The following TBC1D8 variants were observed in gnomAD, a reference collection of about 807,000 sequenced individuals.
TBC1D8 encodes BUB2-like protein 1.
A neutral mutation model predicts 118.8 loss-of-function variants in TBC1D8; 65 were observed. The ratio of observed to expected loss-of-function variants is 0.55; its 90% CI spans 0.45 to 0.67. TBC1D8 has a LOEUF of 0.67. Among genes scored for constraint, TBC1D8 ranks in the 30% least tolerant of loss-of-function variants. TBC1D8 has a pLI of 0.00. For synonymous variants in TBC1D8, 566 were observed against 595.8 expected, an observed-to-expected ratio of 0.95 and a Z score of 0.73; for missense variants, 1,376 against 1,471.2, an observed-to-expected ratio of 0.94 and a Z score of 1.06.
chr2:101,021,845 C>T, intron 16 of TBC1D8, 99 bp from the exon 17 acceptor site: 1 of 750,512 alleles, frequency 1.3e-6, no homozygotes, highest in Admixed American at 2.2e-5. Flanking sequence ...AAGGTCAATA[C>T]CTGCCACCCC....
intron 1 of TBC1D8, among the ~76,000 whole-genome samples, chr2:101,092,631 G>A (rs1676116226): frequency 2.0e-5 from 3 of 151,964 alleles, no homozygotes; most frequent in Admixed American, 2.0e-4. Context: ...TTTGGCCAGT[G>A]GGAACCCCTT....
At chr2:101,020,141 A>G (rs888148109) in intron 17 of TBC1D8, among the ~76,000 whole-genome samples, 11 of 145,550 alleles carry the variant, frequency 7.6e-5, no homozygotes, top group Non-Finnish European at 1.3e-4. Context: ...TCAAAAGCCA[A>G]TTATAAATTT....
chr2:101,099,318 C>T (rs1161489447), intron 1 of TBC1D8, among the ~76,000 whole-genome samples: 4 of 152,058 alleles, frequency 2.6e-5, no homozygotes, highest in African/African-American at 4.8e-5. Context: ...AGGAAGAAGT[C>T]GAATCCCTGA....
chr2:101,058,192 C>A (rs1682549926), intron 3 of TBC1D8, among the ~76,000 whole-genome samples: 1 of 152,170 alleles, frequency 6.6e-6, no homozygotes, highest in Non-Finnish European at 1.5e-5. Context: ...CACCCCCTAA[C>A]CCCACAGGCC....
chr2:101,077,180 C>T (rs931878835), intron 2 of TBC1D8, among the ~76,000 whole-genome samples: 2 of 151,018 alleles, frequency 1.3e-5, no homozygotes, highest in African/African-American at 2.4e-5. Context: ...CCCACCACCA[C>T]GCCCAGCTAA....
intron 17 of TBC1D8, among the ~76,000 whole-genome samples, chr2:101,018,459 T>G (rs1453570700): frequency 6.6e-6 from 1 of 152,222 alleles, no homozygotes; most frequent in Admixed American, 6.5e-5. Context: ...GAACTCATCC[T>G]TTAGACAGCA....
At chr2:101,021,767 G>A in intron 16 of TBC1D8, 21 bp from the exon 17 acceptor site, 3 of 1,432,742 alleles carry the variant, frequency 2.1e-6, no homozygotes, top group Non-Finnish European at 2.9e-6. Context: ...TTTAAAAAGA[G>A]TGAGTTGATG....
At chr2:101,084,128 G>A (rs1296964131) in intron 2 of TBC1D8, among the ~76,000 whole-genome samples, 1 of 152,196 alleles carries the variant, frequency 6.6e-6, no homozygotes, top group Non-Finnish European at 1.5e-5. Context: ...GCTGATCTCG[G>A]CTCAACAGAA....
At chr2:101,018,014 G>T in intron 17 of TBC1D8, 5 of 1,358,572 alleles carry the variant, frequency 3.7e-6, no homozygotes, top group Non-Finnish European at 5.1e-6. Context: ...CTTCAAGCAT[G>T]TGCTCATTCT....
In TBC1D8 at chr2:101,029,750, C is replaced by T. The variant is rs757774990; in HGVS notation, c.1963G>A (p.Glu655Lys). The change falls in exon 12 of 20, where the codon GAG becomes AAG. Residue 655 changes from glutamate (E) to lysine (K), a missense_variant. Physicochemically the swap from Glu to Lys is moderately conservative, Grantham distance 56. Coordinates refer to ENST00000409318, the MANE Select transcript of TBC1D8 (RefSeq NM_001330348.2). The part of the protein sequence containing the change: ...IGAQVDQSVF[E>K]ELIKGHLPEL... ...GGGAGATGACCCTTGATGAGCTCCT[C>T]GAAGACAGACTGGTCAACTTGTGCC... The T allele has an allele frequency of 5.6e-6, 9 of 1,613,512 alleles. No homozygotes were observed. The highest frequency in any genetic ancestry group is 1.1e-5 in the South Asian group (1 of 91,072).
intron 15 of TBC1D8, among the ~76,000 whole-genome samples, chr2:101,025,484 C>T (rs1023406857): frequency 1.3e-5 from 2 of 152,192 alleles, no homozygotes; most frequent in African/African-American, 4.8e-5. Flanking sequence ...TCCCAAAGTG[C>T]TGGGATTACA....
intron 1 of TBC1D8, among the ~76,000 whole-genome samples, chr2:101,120,059 C>T (rs548631037): frequency 6.2e-4 from 94 of 152,288 alleles, no homozygotes; most frequent in South Asian, 5.6e-3. Context: ...TGTCCATCCC[C>T]ACAGTGCAGA....
Position 101,028,303 on chromosome 2 carries a change from C to T in TBC1D8, c.2352G>A (p.Glu784=). Residue 784 remains glutamate, a splice_region_variant and synonymous_variant, in exon 13 of 20, where the codon GAG becomes GAA. Transcript: ENST00000409318. ...DISDLIRDSY[E]KFGDQSVEQI... Reference sequence around the variant, plus strand: ...GGCATGGGGCGGGGGTTCCCGTTACCTCATAGGAATCCCGGATCAGGTCCG... The same window carrying T: ...GGCATGGGGCGGGGGTTCCCGTTACTTCATAGGAATCCCGGATCAGGTCCG... The T allele has an allele frequency of 1.9e-6, 3 of 1,611,688 alleles. No individual in the cohort carries two copies. Among genetic ancestry groups the T allele is most frequent in the Non-Finnish European group, 2.5e-6 (3 of 1,178,970 alleles).
chr2:101,027,788 C>T (rs1443519790), intron 14 of TBC1D8, among the ~76,000 whole-genome samples: 1 of 152,192 alleles, frequency 6.6e-6, no homozygotes, highest in African/African-American at 2.4e-5. Flanking sequence ...CATTATAGAC[C>T]CCAACCTCAT....
At chr2:101,116,215 G>A (rs17025285) in intron 1 of TBC1D8, among the ~76,000 whole-genome samples, 24,338 of 152,190 alleles carry the variant, frequency 0.16, 2,060 homozygotes, top group Middle Eastern at 0.28. Context: ...GCCCACAGAT[G>A]CATAATGTCC....
chr2:101,043,383 G>A (rs370763939), intron 5 of TBC1D8, among the ~76,000 whole-genome samples: 3 of 152,190 alleles, frequency 2.0e-5, no homozygotes, highest in Non-Finnish European at 2.9e-5. Flanking sequence ...TCCTCAGAGC[G>A]TGCTGGCTAT....
chr2:101,087,048 T>C (rs1675682152), intron 2 of TBC1D8, among the ~76,000 whole-genome samples: 1 of 152,088 alleles, frequency 6.6e-6, no homozygotes, highest in Admixed American at 6.5e-5. Context: ...CCTCCCAAAG[T>C]GCTGGGATTA....
At chr2:101,041,650 T>A (rs1291945087) in intron 5 of TBC1D8, among the ~76,000 whole-genome samples, 1 of 152,050 alleles carries the variant, frequency 6.6e-6, no homozygotes, top group Non-Finnish European at 1.5e-5. Flanking sequence ...GTGAACATGG[T>A]AAAAACCACT....
intron 1 of TBC1D8, among the ~76,000 whole-genome samples, chr2:101,093,834 C>A (rs949043558): frequency 6.6e-6 from 1 of 152,024 alleles, no homozygotes; most frequent in African/African-American, 2.4e-5. Context: ...CTCAGCAACC[C>A]AAGTAGCCGA....
Sources: gnomAD v4.1 joint callset for allele counts (sites outside exome capture counted in the v4.1 genomes callset) on GRCh38, gnomAD v4.1.1 for gene constraint, MANE v1.5 for transcripts, NCBI Gene and HGNC (gene_info 2026-07-23, HGNC 2026-07-21) for gene names.